CPSF1: variants seen among roughly 807,000 people sequenced by gnomAD.
CPSF1 encodes cleavage and polyadenylation specificity factor subunit 1.
Under a neutral mutation model 175.8 loss-of-function variants are expected in CPSF1, and 106 were observed. The ratio of observed to expected loss-of-function variants is 0.60; its 90% CI spans 0.52 to 0.71. The LOEUF is 0.71. Among genes scored for constraint, CPSF1 ranks in the 30% least tolerant of loss-of-function variants. The pLI is 0.00. For missense variants in CPSF1, 1,734 were observed against 2,022.9 expected, an observed-to-expected ratio of 0.86 and a Z score of 2.74; for synonymous variants, 1,024 against 858.3, an observed-to-expected ratio of 1.19 and a Z score of -3.37.
rs1024029862 is a variant in CPSF1, at chr8:144,404,783, G to A, written c.145-3110C>T. On this transcript the variant is annotated intron_variant, in intron 2 of 37. Transcript: ENST00000616140. ...AAGAAATAGCGACCAAAGGCTGGGC[G>A]TGGTGGCTCACGCCTGTAATCCCAG... Among the ~76,000 whole-genome samples, 11 of 152,024 alleles carry A rather than the reference G, an allele frequency of 7.2e-5. No individual in the cohort carries two copies. In the East Asian group the frequency reaches 1.6e-3, roughly 22 times the overall value.
At position 144,399,764 on chromosome 8, in the gene CPSF1, C is replaced by G. The variant is rs1282456414; in HGVS notation, c.1119+17G>C. 6.3e-7 allele frequency: 1 copy of G among 1,587,712 alleles called. No individual in the cohort carries two copies. Among genetic ancestry groups the G allele is most frequent in the East Asian group, 2.3e-5 (1 of 43,400 alleles). On this transcript the variant is annotated intron_variant, in intron 11 of 37. Transcript: ENST00000616140. This position sits in a 1 kb window ranked among gnomAD's most constrained non-coding sequence, Gnocchi z 6.4. ...GGCCGGGTCTGGACCCAGACCCAACCCCTAGTCCCAACTCACGCTGGTGGT... is the reference window on the plus strand; with the variant it reads ...GGCCGGGTCTGGACCCAGACCCAACGCCTAGTCCCAACTCACGCTGGTGGT...
rs782771256 is a variant in CPSF1, at chr8:144,398,045, G to C, written c.1982C>G (p.Ala661Gly). The C allele has an allele frequency of 6.2e-7, 1 of 1,612,362 alleles. No homozygotes were observed. The highest frequency in any genetic ancestry group is 8.5e-7 in the Non-Finnish European group (1 of 1,179,776). ...CAGGAACATGGTGACGTGGCCCTCG[G>C]CACTCATGATGACCACATAGGGGTC... ...VADPYVVIMSAEGHVTMFLLK... is the reference protein window; with the variant it reads ...VADPYVVIMSGEGHVTMFLLK... The change falls in exon 20 of 38, where the codon GCC (alanine) becomes GGC (glycine). Residue 661 changes from alanine to glycine, a missense_variant. Physicochemically the swap from Ala to Gly is moderately conservative, Grantham distance 60. Transcript: ENST00000616140.
Position 144,401,014 on chromosome 8 carries a change from G to A in CPSF1, c.449C>T (p.Ala150Val). Residue 150 changes from alanine to valine, a missense_variant, in exon 6 of 38, where the codon GCA (alanine) becomes GTA (valine). Around this residue, in one of 10 missense-constraint regions of CPSF1, gnomAD observed 122 missense variants for 177.2 expected, o/e 0.69. Transcript: ENST00000616140. The stretch of plus-strand genomic sequence containing the variant: ...CCGCGTGCCGTAGACAAGCATGGCT[G>A]CACAGCGCCCGTCGGGGTCCACCCG... Reference protein sequence around the residue: ...RVRVDPDGRCAAMLVYGTRLV... With the variant: ...RVRVDPDGRCVAMLVYGTRLV... 1 of 1,609,880 alleles carries A rather than the reference G, an allele frequency of 6.2e-7. No individual in the cohort carries two copies. Among genetic ancestry groups the A allele is most frequent in the Non-Finnish European group, 8.5e-7 (1 of 1,178,038 alleles).
rs1554862766 is a variant in CPSF1, at chr8:144,394,442, G to T, written c.3681C>A (p.Val1227=). Residue 1227 remains valine, a synonymous_variant, in exon 32 of 38, where the codon GTC becomes GTA. Coordinates refer to ENST00000616140, the MANE Select transcript of CPSF1 (RefSeq NM_013291.3). ...AGCGCAGCAGCGAAATGCTCTTCAT[G>T]ACGTCGGCTGCCAGGATGAAGTTCT... ...SVKNFILAAD[V]MKSISLLRYQ... 3 of 1,607,870 alleles carry T rather than the reference G, an allele frequency of 1.9e-6. No homozygotes were observed. Among genetic ancestry groups the T allele is most frequent in the Admixed American group, 1.7e-5 (1 of 59,008 alleles).
intron 9 of CPSF1, 31 bp downstream of exon 9, chr8:144,400,135 G>GGGGGGCGCCCCCCCCCCCCCC: frequency 1.1e-6 from 1 of 896,008 alleles, no homozygotes; most frequent in Non-Finnish European, 1.6e-6. Flanking sequence ...CCGTCCCCGG[G>GGGGGGCGCCCCCCCCCCCCCC]CCCCCCCCGC....
chr8:144,400,135 G>GCCCCCCCCCCCCCCCCCCC (rs1491238659), intron 9 of CPSF1, 31 bp downstream of exon 9: 203 of 896,380 alleles, frequency 2.3e-4, no homozygotes, highest in Non-Finnish European at 2.9e-4. Flanking sequence ...CCGTCCCCGG[G>GCCCCCCCCCCCCCCCCCCC]CCCCCCCCGC....
Position 144,396,752 on chromosome 8 carries a change from A to T in CPSF1, c.2683-11T>A, listed in dbSNP as rs781808548. ...GATGTTGTGAGGGACCTGGGGGGGA[A>T]CCATGCAGGTCCTCCAGGGGCTGCC... On this transcript the variant is annotated splice_polypyrimidine_tract_variant and intron_variant, in intron 24 of 37. Transcript: ENST00000616140. 5.0e-6 allele frequency: 8 copies of T among 1,613,654 alleles called. No homozygotes were observed. In the South Asian group the frequency reaches 5.5e-5, roughly 11 times the overall value.
At position 144,397,622 on chromosome 8, in the gene CPSF1, A is replaced by G; in HGVS notation, c.2250T>C (p.Asp750=). 6.5e-7 allele frequency: 1 copy of G among 1,533,724 alleles called. No individual in the cohort carries two copies. The highest frequency in any genetic ancestry group is 8.8e-7 in the Non-Finnish European group (1 of 1,136,664). The part of the protein sequence containing the change: ...VDDEEEMLYG[D]SGSLFSPSKE... Reference sequence around the variant, plus strand: ...TGCTGGGGCTGAAGAGGGAGCCCGAATCCCCATACAGCATCTCCTCCTCGT... The same window carrying G: ...TGCTGGGGCTGAAGAGGGAGCCCGAGTCCCCATACAGCATCTCCTCCTCGT... Residue 750 remains aspartate (D), a synonymous_variant, in exon 22 of 38, where the codon GAT becomes GAC. Coordinates refer to ENST00000616140, the MANE Select transcript of CPSF1 (RefSeq NM_013291.3).
rs782269383 is a variant in CPSF1 at position 144,393,344 on chromosome 8, T to C, written c.4306A>G (p.Thr1436Ala). The C allele has an allele frequency of 1.4e-6, 2 of 1,473,452 alleles. No individual in the cohort carries two copies. Among genetic ancestry groups the C allele is most frequent in the Non-Finnish European group, 1.8e-6 (2 of 1,105,446 alleles). 91.3% of individuals were successfully genotyped at this position (1,473,452 alleles called of 1,614,324 possible). The change falls in exon 38 of 38, where the codon ACG becomes GCG. Residue 1436 changes from threonine (T) to alanine (A), a missense_variant. Physicochemically the swap from Thr to Ala is moderately conservative, Grantham distance 58. Coordinates refer to ENST00000616140, the MANE Select transcript of CPSF1 (RefSeq NM_013291.3). ...PDIILDDLLE[T>A]DRVTAHF ...TAGAAGTGGGCGGTGACGCGGTCCG[T>C]CTCCAGCAAGTCGTCCAGGATCTGC...
rs2116878228 is a variant in CPSF1 at position 144,400,784 on chromosome 8, G to A, written c.573C>T (p.Ile191=). 1.4e-5 allele frequency: 22 copies of A among 1,613,742 alleles called. No homozygotes were observed. The highest frequency in any genetic ancestry group is 6.7e-5 in the East Asian group (3 of 44,896). ...GCTTCTCGTCTAGGGCCCGCACGTCGATGATGTAGCTGGGCAGGAAGCTGG... is the reference window on the plus strand; with the variant it reads ...GCTTCTCGTCTAGGGCCCGCACGTCAATGATGTAGCTGGGCAGGAAGCTGG... ...QRSSFLPSYI[I]DVRALDEKLL... Residue 191 remains isoleucine, a synonymous_variant, in exon 7 of 38, where the codon ATC becomes ATT. Transcript: ENST00000616140.
At chr8:144,402,166 C>CT (rs1554867515) in intron 2 of CPSF1, among the ~76,000 whole-genome samples, 1 of 151,690 alleles carries the variant, frequency 6.6e-6, no homozygotes, top group African/African-American at 2.4e-5. Context: ...GCCTCTCTAT[C>CT]TCCTCCCTTT....
chr8:144,395,335 G>A lies in CPSF1; in HGVS notation c.3117C>T (p.Ser1039=). 1.9e-6 allele frequency: 3 copies of A among 1,613,478 alleles called. No homozygotes were observed. The highest frequency in any genetic ancestry group is 1.6e-4 in the Middle Eastern group (1 of 6,062). Residue 1039 remains serine (S), a synonymous_variant, in exon 28 of 38, where the codon AGC becomes AGT. Transcript: ENST00000616140. The part of the protein sequence containing the change: ...VESKVYAVAT[S]TNTPCARIPR... Reference sequence around the variant, plus strand: ...GGATGCGGGCACACGGCGTGTTGGTGCTGGTGGCCACAGCATACACCTGTG... The same window carrying A: ...GGATGCGGGCACACGGCGTGTTGGTACTGGTGGCCACAGCATACACCTGTG...
chr8:144,393,757 T>C lies in CPSF1; in HGVS notation c.4055A>G (p.Gln1352Arg). 1 of 1,590,408 alleles carries C rather than the reference T, an allele frequency of 6.3e-7. No individual in the cohort carries two copies. ...DGGIGLLLPM[Q>R]EKTYRRLLML... is the part of the protein sequence containing the mutation. ...CAGCAGCCGCCGGTAGGTCTTCTCC[T>C]GCATGGGCAGCAGCAGCCCGATGCC... The change falls in exon 36 of 38, where the codon CAG becomes CGG. Residue 1352 changes from glutamine to arginine, a missense_variant. Coordinates refer to ENST00000616140, the MANE Select transcript of CPSF1 (RefSeq NM_013291.3).
intron 19 of CPSF1, 31 bp from the exon 20 acceptor site, chr8:144,398,163 C>CACCAGGG: frequency 6.6e-7 from 1 of 1,516,704 alleles, no homozygotes; most frequent in African/African-American, 1.4e-5. Flanking sequence ...GCATGCGCCT[C>CACCAGGG]CCCACCACCG....
rs2116885230 is a variant in CPSF1 at position 144,401,515 on chromosome 8, AAGG to A, written c.218_220del (p.Ser73del). On this transcript the variant is annotated inframe_deletion, in exon 4 of 38. Coordinates refer to ENST00000616140, the MANE Select transcript of CPSF1 (RefSeq NM_013291.3). ...GGCCATGGACATGACGTTGCCAAAG[AAGG>A]AGAAGGAGGCAGCAAGCTCGAGCTT... is the stretch of plus-strand genomic sequence containing the variant. The A allele has an allele frequency of 2.5e-6, 4 of 1,613,976 alleles. No homozygotes were observed. The highest frequency in any genetic ancestry group is 3.4e-6 in the Non-Finnish European group (4 of 1,179,978).
Position 144,409,304 on chromosome 8 carries a change from G to A in CPSF1, c.-30C>T. 8.2e-6 allele frequency: 5 copies of A among 607,490 alleles called. No individual in the cohort carries two copies. Among genetic ancestry groups the A allele is most frequent in the Non-Finnish European group, 1.1e-5 (5 of 434,984 alleles). 37.6% of individuals were successfully genotyped at this position (607,490 alleles called of 1,614,324 possible). On this transcript the variant is annotated 5_prime_UTR_variant, in exon 1 of 38. Transcript: ENST00000616140. ...GGCCGCCCACCTGGCAGTTGGAGCC[G>A]ACTCGAGAGGAACCGGGACAGCAGC...
At chr8:144,400,601 C>T in intron 7 of CPSF1, 70 bp downstream of exon 7, 1 of 1,596,736 alleles carries the variant, frequency 6.3e-7, no homozygotes, top group Non-Finnish European at 8.5e-7. Context: ...CCCTAAACCC[C>T]ATGGGCCCCA....
chr8:144,401,085 G>A lies in CPSF1; in HGVS notation c.388-10C>T. ...TCTGCACAAACCCGTCCTGGGGGCAGAGGGGGCATCAGCCAGGCCCAGCAT... is the reference window on the plus strand; with the variant it reads ...TCTGCACAAACCCGTCCTGGGGGCAAAGGGGGCATCAGCCAGGCCCAGCAT... On this transcript the variant is annotated splice_polypyrimidine_tract_variant and intron_variant, in intron 5 of 37. Transcript: ENST00000616140. The A allele has an allele frequency of 6.2e-7, 1 of 1,605,524 alleles. No homozygotes were observed. Among genetic ancestry groups the A allele is most frequent in the Non-Finnish European group, 8.5e-7 (1 of 1,175,334 alleles).
At chr8:144,400,135 G>GGGGGCGCCCCCC in intron 9 of CPSF1, 31 bp downstream of exon 9, 1 of 896,002 alleles carries the variant, frequency 1.1e-6, no homozygotes, top group Non-Finnish European at 1.6e-6. Flanking sequence ...CCGTCCCCGG[G>GGGGGCGCCCCCC]CCCCCCCCGC....
Sources: allele counts gnomAD v4.1 joint callset (sites outside exome capture counted in the v4.1 genomes callset), GRCh38; gene constraint gnomAD v4.1.1; regional missense constraint gnomAD v4.1.1; non-coding constraint Gnocchi (gnomAD v3.1); transcripts MANE v1.5; gene names NCBI Gene and HGNC (gene_info 2026-07-23, HGNC 2026-07-21).